The following GPATCH2 variants were observed in gnomAD, a reference collection of about 807,000 sequenced individuals.
GPATCH2 encodes the protein G-patch domain containing 2.
In GPATCH2, 51 loss-of-function variants were observed where a neutral mutation model predicts 58.0. The observed-to-expected ratio is 0.88, with a 90% CI of 0.70 to 1.11. GPATCH2 has a LOEUF of 1.11. Among genes scored for constraint, GPATCH2 ranks in the 50% most tolerant of loss-of-function variants. The probability of loss-of-function intolerance (pLI) is 0.00; values close to 1 mark genes in which losing one functional copy is unlikely to be tolerated. For missense variants in GPATCH2, 625 were observed against 652.2 expected, an observed-to-expected ratio of 0.96 and a Z score of 0.45; for synonymous variants, 222 against 218.5, an observed-to-expected ratio of 1.02 and a Z score of -0.14.
intron 7 of GPATCH2, among the ~76,000 whole-genome samples, chr1:217,496,886 A>G (rs1355493784): frequency 6.6e-6 from 1 of 152,192 alleles, no homozygotes; most frequent in Admixed American, 6.5e-5. Flanking sequence ...TTAATAATCT[A>G]CCTAGTAAGG....
intron 5 of GPATCH2, among the ~76,000 whole-genome samples, chr1:217,577,109 C>T (rs904888100): frequency 6.6e-6 from 1 of 152,130 alleles, no homozygotes; most frequent in African/African-American, 2.4e-5. Flanking sequence ...AAATATTCAA[C>T]AGCTAAGCAA....
chr1:217,619,836 C>T lies in GPATCH2; in HGVS notation c.720G>A (p.Lys240=). 6.2e-7 allele frequency: 1 copy of T among 1,612,010 alleles called. No individual in the cohort carries two copies. The highest frequency in any genetic ancestry group is 8.5e-7 in the Non-Finnish European group (1 of 1,179,174). ...LESEETNQTN[K]DKMECEEQKV... ...TTTGCTCTTCACATTCCATTTTGTC[C>T]TTATTGGTCTGGTTCGTTTCCTCAC... is the stretch of plus-strand genomic sequence containing the variant. Residue 240 remains lysine, a synonymous_variant, in exon 2 of 10, where the codon AAG becomes AAA. Transcript: ENST00000366935.
At chr1:217,473,171 AG>A (rs1240085639) in intron 8 of GPATCH2, among the ~76,000 whole-genome samples, 1 of 152,154 alleles carries the variant, frequency 6.6e-6, no homozygotes, top group Non-Finnish European at 1.5e-5. Flanking sequence ...GTTCTGCCTT[AG>A]TGAGATAAGT....
intron 8 of GPATCH2, among the ~76,000 whole-genome samples, chr1:217,490,197 T>C (rs547157076): frequency 2.0e-5 from 3 of 152,358 alleles, no homozygotes; most frequent in African/African-American, 7.2e-5. Context: ...ATGAGGATGA[T>C]TGCACTGTCT....
intron 8 of GPATCH2, among the ~76,000 whole-genome samples, chr1:217,480,450 T>G (rs1023613183): frequency 2.6e-5 from 4 of 152,122 alleles, no homozygotes; most frequent in African/African-American, 9.7e-5. Context: ...AAATATCATC[T>G]CACCCCAGTT....
intron 5 of GPATCH2, among the ~76,000 whole-genome samples, chr1:217,532,906 T>TG (rs1558464209): frequency 3.0e-4 from 42 of 138,798 alleles, no homozygotes; most frequent in South Asian, 4.6e-4. Flanking sequence ...TTTTGTTTTT[T>TG]TTTTTTTTTT....
intron 5 of GPATCH2, among the ~76,000 whole-genome samples, chr1:217,599,768 T>C (rs568414021): frequency 1.3e-5 from 2 of 152,340 alleles, no homozygotes; most frequent in South Asian, 4.1e-4. Context: ...AAATGTAACA[T>C]ATACTTATTT....
chr1:217,601,428 C>CAA (rs35584120), intron 5 of GPATCH2, among the ~76,000 whole-genome samples: 133 of 146,078 alleles, frequency 9.1e-4, no homozygotes, highest in Non-Finnish European at 1.6e-3. Context: ...AACATAAAGG[C>CAA]AAAAAAAAAA....
intron 9 of GPATCH2, among the ~76,000 whole-genome samples, chr1:217,434,745 G>A (rs1295705475): frequency 6.6e-6 from 1 of 152,140 alleles, no homozygotes; most frequent in Non-Finnish European, 1.5e-5. Flanking sequence ...AACAGCAAAT[G>A]ATAATTGATT....
chr1:217,511,114 A>G (rs1417012220), intron 6 of GPATCH2, among the ~76,000 whole-genome samples: 1 of 151,954 alleles, frequency 6.6e-6, no homozygotes, highest in Non-Finnish European at 1.5e-5. Flanking sequence ...AAAATAAAAT[A>G]AATAAAATAA....
intron 1 of GPATCH2, among the ~76,000 whole-genome samples, chr1:217,621,376 T>C (rs1179644841): frequency 6.6e-6 from 1 of 152,184 alleles, no homozygotes; most frequent in Non-Finnish European, 1.5e-5. Flanking sequence ...ACCCGTCTTA[T>C]GAAGACCACA....
chr1:217,591,684 A>G (rs1034641302), intron 5 of GPATCH2, among the ~76,000 whole-genome samples: 1 of 152,160 alleles, frequency 6.6e-6, no homozygotes, highest in East Asian at 1.9e-4. Context: ...AGTAATAGAG[A>G]AAACCCTAAA....
intron 8 of GPATCH2, among the ~76,000 whole-genome samples, chr1:217,458,747 T>C (rs1441299432): frequency 6.6e-6 from 1 of 152,222 alleles, no homozygotes; most frequent in East Asian, 1.9e-4. Flanking sequence ...GAGAGCCTGC[T>C]TTTTTCCTTC....
intron 8 of GPATCH2, among the ~76,000 whole-genome samples, chr1:217,485,552 G>A (rs1215818244): frequency 6.6e-6 from 1 of 151,666 alleles, no homozygotes; most frequent in East Asian, 1.9e-4. Flanking sequence ...TTGTAAATTG[G>A]TGAAAATCAG....
intron 5 of GPATCH2, among the ~76,000 whole-genome samples, chr1:217,543,505 G>A (rs1432793835): frequency 2.0e-5 from 3 of 151,874 alleles, no homozygotes; most frequent in African/African-American, 7.3e-5. Context: ...TCCTGACCTC[G>A]TGATCTGCCC....
intron 5 of GPATCH2, among the ~76,000 whole-genome samples, chr1:217,539,752 G>A (rs1332086597): frequency 3.9e-5 from 6 of 152,116 alleles, no homozygotes; most frequent in Admixed American, 1.3e-4. Flanking sequence ...AAATCTTAAC[G>A]ATCACAGCCT....
chr1:217,614,676 C>T (rs1668796145), intron 2 of GPATCH2, among the ~76,000 whole-genome samples: 1 of 149,144 alleles, frequency 6.7e-6, no homozygotes, highest in Admixed American at 6.7e-5. Flanking sequence ...CTGGAGAAGA[C>T]ATTACTTAAG....
chr1:217,602,412 A>G (rs982112514), intron 5 of GPATCH2, among the ~76,000 whole-genome samples: 7 of 152,182 alleles, frequency 4.6e-5, no homozygotes, highest in Non-Finnish European at 7.3e-5. Context: ...ACTCATTCTC[A>G]AAGTCTCAGC....
intron 5 of GPATCH2, among the ~76,000 whole-genome samples, chr1:217,602,554 G>A (rs1258885527): frequency 6.6e-6 from 1 of 152,188 alleles, no homozygotes; most frequent in Non-Finnish European, 1.5e-5. Flanking sequence ...TGACAGCTAT[G>A]AGGCACATTG....
Sources: allele counts gnomAD v4.1 joint callset (sites outside exome capture counted in the v4.1 genomes callset), GRCh38; gene constraint gnomAD v4.1.1; transcripts MANE v1.5; gene names NCBI Gene and HGNC (gene_info 2026-07-23, HGNC 2026-07-21).